Variants in FTCDNL1 observed in about 807,000 individuals in gnomAD.
FTCDNL1 encodes formiminotransferase N-terminal subdomain-containing protein.
FTCDNL1 carries 11 observed loss-of-function variants against 5.9 expected under a neutral mutation model. The ratio of observed to expected loss-of-function variants is 1.87; its 90% confidence interval spans 1.18 to 3.10. The LOEUF (loss-of-function observed/expected upper bound fraction) is 3.10, where lower values mean the gene tolerates loss of function less well. Ranked by LOEUF, FTCDNL1 falls within the 30% of genes most tolerant of loss-of-function variation. FTCDNL1 has a pLI of 0.00. For missense variants in FTCDNL1, 115 were observed against 65.5 expected (o/e 1.76, Z -2.61); for synonymous variants, 58 against 24.8 (o/e 2.34, Z -3.99).
At chr2:199,681,766 A>G in the FTCDNL1 span, among the ~76,000 whole-genome samples, 1 of 152,214 alleles carries the variant, frequency 6.6e-6, no homozygotes, top group Non-Finnish European at 1.5e-5. Context: ...CTCTTTTCCC[A>G]CTTTAAATAA....
intron 3 of FTCDNL1, among the ~76,000 whole-genome samples, chr2:199,795,863 T>C (rs1199770540): frequency 6.6e-6 from 1 of 152,194 alleles, no homozygotes; most frequent in Non-Finnish European, 1.5e-5. Flanking sequence ...TATTTCCTTT[T>C]CTTGTCTCGG....
chr2:199,671,453 A>G, the FTCDNL1 span, among the ~76,000 whole-genome samples: 3 of 152,158 alleles, frequency 2.0e-5, no homozygotes, highest in South Asian at 6.2e-4. Context: ...CTAATTACAA[A>G]CAAGTTAAAG....
At chr2:199,721,866 A>G in the FTCDNL1 span, among the ~76,000 whole-genome samples, 1 of 152,004 alleles carries the variant, frequency 6.6e-6, no homozygotes, top group Admixed American at 6.6e-5. Context: ...TTGCATTTCA[A>G]TATCAATCAG....
chr2:199,851,187 G>GCGCGT lies in FTCDNL1; in HGVS notation c.-456_-455insACGCG, dbSNP rs1302190192. 1.3e-5 allele frequency: 2 copies of GCGCGT among 149,620 alleles called. No homozygotes were observed. Among genetic ancestry groups the GCGCGT allele is most frequent in the Non-Finnish European group, 3.0e-5 (2 of 67,206 alleles). The allele number at this position is 149,620 out of a possible 1,614,324, so 9.3% of individuals were successfully genotyped here. A position where few individuals can be genotyped will look rare whatever the true frequency, so the allele number is the denominator to read the frequency against. ...TGGCCCGCGCGCAGCGTCTGCCGCC[G>GCGCGT]GCTCCGCCTCCCGGACGCCCGGAGC... On this transcript the variant is annotated 5_prime_UTR_variant, in exon 1 of 5. Coordinates refer to ENST00000420128, the MANE Select transcript of FTCDNL1 (RefSeq NM_001363886.2).
At chr2:199,738,104 T>C in the FTCDNL1 span, among the ~76,000 whole-genome samples, 3 of 152,226 alleles carry the variant, frequency 2.0e-5, no homozygotes, top group Non-Finnish European at 4.4e-5. Context: ...TCCATAGATG[T>C]CTGCTCATTA....
At chr2:199,735,115 GAAAAAAAAAAAA>G in the FTCDNL1 span, among the ~76,000 whole-genome samples, 1 of 81,600 alleles carries the variant, frequency 1.2e-5, no homozygotes. Context: ...ACTACCTTTA[GAAAAAAAAAAAA>G]AAAAAAAACC....
At chr2:199,760,076 AAAG>A (rs1465311366), downstream of FTCDNL1, among the ~76,000 whole-genome samples, 3 of 152,220 alleles carry the variant, frequency 2.0e-5, no homozygotes, top group African/African-American at 7.2e-5. Context: ...GAACATTAAA[AAAG>A]ATTAGGAACT....
intron 3 of FTCDNL1, among the ~76,000 whole-genome samples, chr2:199,790,121 A>T (rs1352332705): frequency 1.3e-5 from 2 of 152,168 alleles, no homozygotes; most frequent in Non-Finnish European, 2.9e-5. Context: ...ATACTAAAAC[A>T]CTTTTGAAAG....
At chr2:199,762,102 C>T (rs1308164977) in intron 3 of FTCDNL1, among the ~76,000 whole-genome samples, 2 of 152,104 alleles carry the variant, frequency 1.3e-5, no homozygotes, top group Non-Finnish European at 2.9e-5. Flanking sequence ...AATTTATGGC[C>T]GGGTGTGGTG....
the FTCDNL1 span, among the ~76,000 whole-genome samples, chr2:199,692,576 T>C: frequency 3.9e-5 from 6 of 152,326 alleles, no homozygotes; most frequent in South Asian, 6.2e-4. Context: ...TGTTGGTATA[T>C]AGATCTACCA....
At chr2:199,714,011 C>G in the FTCDNL1 span, among the ~76,000 whole-genome samples, 1 of 152,146 alleles carries the variant, frequency 6.6e-6, no homozygotes, top group Non-Finnish European at 1.5e-5. Flanking sequence ...GAATGCAAAT[C>G]AGATTGGCTT....
At chr2:199,793,591 T>C (rs887496728) in intron 3 of FTCDNL1, among the ~76,000 whole-genome samples, 3 of 152,136 alleles carry the variant, frequency 2.0e-5, no homozygotes, top group Admixed American at 1.3e-4. Context: ...ATCAAGACAA[T>C]GAAAAATCTA....
At chr2:199,792,864 C>T (rs1404720229) in intron 3 of FTCDNL1, among the ~76,000 whole-genome samples, 1 of 152,054 alleles carries the variant, frequency 6.6e-6, no homozygotes, top group Non-Finnish European at 1.5e-5. Flanking sequence ...TCCAAATATG[C>T]TAGTACCAAA....
chr2:199,687,990 T>TA, the FTCDNL1 span, among the ~76,000 whole-genome samples: 1 of 152,116 alleles, frequency 6.6e-6, no homozygotes, highest in Non-Finnish European at 1.5e-5. Context: ...CTCACGCCTG[T>TA]AATCCCAGCA....
chr2:199,720,406 G>A, the FTCDNL1 span, among the ~76,000 whole-genome samples: 1 of 152,144 alleles, frequency 6.6e-6, no homozygotes, highest in South Asian at 2.1e-4. Context: ...GTTTCCTAGG[G>A]CTGCCATAGC....
chr2:199,684,626 C>T, the FTCDNL1 span, among the ~76,000 whole-genome samples: 2 of 152,108 alleles, frequency 1.3e-5, no homozygotes, highest in Non-Finnish European at 1.5e-5. Context: ...TAATACTGGC[C>T]GTCTCCAAAT....
At chr2:199,734,999 C>G in the FTCDNL1 span, among the ~76,000 whole-genome samples, 1 of 148,384 alleles carries the variant, frequency 6.7e-6, no homozygotes, top group Non-Finnish European at 1.5e-5. Context: ...TCTGTTTGGT[C>G]ATTTATTCTT....
the FTCDNL1 span, among the ~76,000 whole-genome samples, chr2:199,718,680 C>A: frequency 2.0e-5 from 3 of 152,164 alleles, no homozygotes; most frequent in Non-Finnish European, 4.4e-5. Context: ...AGTGTATAAG[C>A]ATTCCCTTTA....
chr2:199,740,219 A>T, the FTCDNL1 span, among the ~76,000 whole-genome samples: 3 of 152,220 alleles, frequency 2.0e-5, no homozygotes, highest in Non-Finnish European at 4.4e-5. Flanking sequence ...TCACTGGCAA[A>T]GAGCCACCTA....
Sources: allele counts gnomAD v4.1 joint callset (sites outside exome capture counted in the v4.1 genomes callset), GRCh38; gene constraint gnomAD v4.1.1; transcripts MANE v1.5; gene names NCBI Gene and HGNC (gene_info 2026-07-23, HGNC 2026-07-21).